CFAP54: variants seen among roughly 807,000 people sequenced by gnomAD.
The protein encoded by CFAP54 is cilia- and flagella-associated protein 54.
A neutral mutation model predicts 370.4 loss-of-function variants in CFAP54; 290 were observed. The observed-to-expected ratio is 0.78, with a 90% confidence interval of 0.71 to 0.86. The LOEUF (loss-of-function observed/expected upper bound fraction) is 0.86. Among genes scored for constraint, CFAP54 ranks in the 40% least tolerant of loss-of-function variants. CFAP54 has a pLI of 0.00. For missense variants in CFAP54, 3,399 were observed against 3,528.7 expected (o/e 0.96, Z 0.93); for synonymous variants, 1,206 against 1,236.5 (o/e 0.98, Z 0.52).
At chr12:96,561,521 C>A (rs943520226) in intron 17 of CFAP54, among the ~76,000 whole-genome samples, 1 of 151,938 alleles carries the variant, frequency 6.6e-6, no homozygotes, top group Non-Finnish European at 1.5e-5. Flanking sequence ...GCTTTCTGTG[C>A]AACAAAATAT....
intron 38 of CFAP54, 147 bp downstream of exon 38, chr12:96,658,493 CATT>C: frequency 9.6e-7 from 1 of 1,036,384 alleles, no homozygotes; most frequent in Non-Finnish European, 1.4e-6. Context: ...AATCAACAAA[CATT>C]ATTGAGAGCC....
intron 19 of CFAP54, chr12:96,572,785 T>TCC (rs1955935612): frequency 2.4e-6 from 2 of 826,146 alleles, no homozygotes; most frequent in Non-Finnish European, 2.9e-6. Context: ...TATTTTGGGG[T>TCC]AGAAATGGAG....
At chr12:96,800,751 TAGAACTCACTATGTTCA>T (rs577049020) in intron 63 of CFAP54, among the ~76,000 whole-genome samples, 9 of 152,232 alleles carry the variant, frequency 5.9e-5, no homozygotes, top group Non-Finnish European at 1.3e-4. Context: ...AAAACTAATG[TAGAACTCACTATGTTCA>T]AAGCACTTTA....
chr12:96,759,839 T>G (rs1958315286), intron 58 of CFAP54, among the ~76,000 whole-genome samples: 1 of 152,216 alleles, frequency 6.6e-6, no homozygotes, highest in East Asian at 1.9e-4. Context: ...TGGGCTTGTA[T>G]GTAATAAGTA....
intron 66 of CFAP54, 101 bp from the exon 67 acceptor site, chr12:96,860,718 T>C: frequency 8.2e-7 from 1 of 1,220,966 alleles, no homozygotes; most frequent in Non-Finnish European, 1.1e-6. Flanking sequence ...GTTAGCTATC[T>C]TTCATATAAA....
chr12:96,816,583 G>A (rs537808358), intron 64 of CFAP54, among the ~76,000 whole-genome samples: 5 of 152,188 alleles, frequency 3.3e-5, no homozygotes, highest in Non-Finnish European at 7.3e-5. Context: ...TGGTGCAGAT[G>A]AGGATGCTGT....
intron 3 of CFAP54, among the ~76,000 whole-genome samples, chr12:96,506,467 T>G (rs1461458836): frequency 6.6e-6 from 1 of 152,082 alleles, no homozygotes; most frequent in Non-Finnish European, 1.5e-5. Flanking sequence ...CCTATCTTTT[T>G]TTTTTTACAC....
intron 24 of CFAP54, among the ~76,000 whole-genome samples, chr12:96,592,851 C>T (rs1565906754): frequency 6.6e-6 from 1 of 151,924 alleles, no homozygotes; most frequent in African/African-American, 2.4e-5. Flanking sequence ...CTCTTTTCCC[C>T]CTGTGTGTAA....
chr12:96,548,359 T>C (rs1264696789), intron 15 of CFAP54, among the ~76,000 whole-genome samples: 3 of 152,152 alleles, frequency 2.0e-5, no homozygotes, highest in Non-Finnish European at 2.9e-5. Flanking sequence ...AATGCATAGA[T>C]ATAAATGACT....
rs180700619 is a variant in CFAP54 at position 96,688,385 on chromosome 12, C to T, written c.6015-531C>T. Among the ~76,000 whole-genome samples, 22 of 152,258 alleles carry T rather than the reference C, an allele frequency of 1.4e-4. No homozygotes were observed. In the East Asian group the frequency reaches 2.5e-3, roughly 17 times the overall value. On this transcript the variant is annotated intron_variant, in intron 42 of 67. Coordinates refer to ENST00000524981, the MANE Select transcript of CFAP54 (RefSeq NM_001306084.2). ...GCACTCATCAAAAGCCTTTACTGTG[C>T]GCCCCCTTTTACCAAAAACTTCCAC...
intron 3 of CFAP54, 93 bp from the exon 4 acceptor site, chr12:96,506,835 C>G: frequency 2.7e-6 from 3 of 1,125,598 alleles, no homozygotes. Flanking sequence ...GATTTGCCCA[C>G]CTTGGCCTCC....
Position 96,720,421 on chromosome 12 carries a change from A to G in CFAP54, c.6821A>G (p.Glu2274Gly). The change falls in exon 50 of 68, where the codon GAA becomes GGA. Residue 2274 changes from glutamate to glycine, a missense_variant. By Grantham distance (98) the Glu-to-Gly change is moderately conservative. Coordinates refer to ENST00000524981, the MANE Select transcript of CFAP54 (RefSeq NM_001306084.2). Reference protein sequence around the residue: ...LSMLKSMLLMEAEDRLNFLLS... With the variant: ...LSMLKSMLLMGAEDRLNFLLS... The stretch of plus-strand genomic sequence containing the variant: ...TTTCCTTAGTCGATGTTACTGATGG[A>G]AGCTGAGGACAGGCTAAACTTCCTT... 1 of 1,536,292 alleles carries G rather than the reference A, an allele frequency of 6.5e-7. No homozygotes were observed. The highest frequency in any genetic ancestry group is 8.8e-7 in the Non-Finnish European group (1 of 1,137,044).
intron 60 of CFAP54, among the ~76,000 whole-genome samples, chr12:96,783,640 A>G (rs1958600992): frequency 6.6e-6 from 1 of 152,190 alleles, no homozygotes. Context: ...TAATCCCAGC[A>G]TTTTGGAAGG....
intron 66 of CFAP54, among the ~76,000 whole-genome samples, chr12:96,852,405 T>A (rs2136455680): frequency 6.6e-6 from 1 of 152,182 alleles, no homozygotes; most frequent in Non-Finnish European, 1.5e-5. Flanking sequence ...ACATATACAA[T>A]CCCATGATTT....
intron 39 of CFAP54, among the ~76,000 whole-genome samples, chr12:96,664,604 G>C (rs1957036188): frequency 7.2e-6 from 1 of 138,802 alleles, no homozygotes; most frequent in Non-Finnish European, 1.5e-5. Context: ...TCTTCCAGCT[G>C]TGCCTTACCA....
At chr12:96,645,956 G>T (rs2136494695) in intron 33 of CFAP54, 1 of 152,176 alleles carries the variant, frequency 6.6e-6, no homozygotes, top group Non-Finnish European at 1.5e-5. Context: ...AATTCAAGAT[G>T]GATTAAAGAC....
At position 96,535,534 on chromosome 12, in the gene CFAP54, T is replaced by C. The variant is rs1955492747; in HGVS notation, c.1725T>C (p.Cys575=). ...IAVHDTCLKT[C]GYSEDIFHLA... ...ACTTAGATACTTGTTTGAAGACTTG[T>C]GGATATTCAGAGGATATTTTCCATT... The change falls in exon 12 of 68, where the codon TGT becomes TGC. Residue 575 remains cysteine (C), a synonymous_variant. Coordinates refer to ENST00000524981, the MANE Select transcript of CFAP54 (RefSeq NM_001306084.2). 1.3e-6 allele frequency: 2 copies of C among 1,535,602 alleles called. No individual in the cohort carries two copies. The highest frequency in any genetic ancestry group is 1.7e-6 in the Non-Finnish European group (2 of 1,146,126).
At chr12:96,760,074 A>G (rs1423026132) in intron 58 of CFAP54, among the ~76,000 whole-genome samples, 2 of 152,188 alleles carry the variant, frequency 1.3e-5, no homozygotes, top group Non-Finnish European at 2.9e-5. Context: ...GAGATAAATA[A>G]TTGTATTGCA....
At chr12:96,582,371 T>C (rs1390844782) in intron 22 of CFAP54, among the ~76,000 whole-genome samples, 1 of 152,200 alleles carries the variant, frequency 6.6e-6, no homozygotes, top group Non-Finnish European at 1.5e-5. Flanking sequence ...TTCTTGACTG[T>C]AGAGCTGATG....
Sources: gnomAD v4.1 joint callset for allele counts (sites outside exome capture counted in the v4.1 genomes callset) on GRCh38, gnomAD v4.1.1 for gene constraint, MANE v1.5 for transcripts, NCBI Gene and HGNC (gene_info 2026-07-23, HGNC 2026-07-21) for gene names.